Variants in CRADD observed in about 807,000 individuals in gnomAD.
CRADD encodes the protein CARD and death domain containing adaptor protein, also known as death domain-containing protein CRADD.
CRADD carries 9 observed loss-of-function variants against 15.5 expected under a neutral mutation model. That is an observed-to-expected ratio of 0.58 (90% CI 0.35 to 1.01). The LOEUF is 1.01. Ranked by LOEUF, CRADD falls within the 50% of genes least tolerant of loss-of-function variation. The probability of loss-of-function intolerance (pLI) is 0.02; values close to 1 mark genes in which losing one functional copy is unlikely to be tolerated. For synonymous variants in CRADD, 118 were observed against 107.6 expected, an observed-to-expected ratio of 1.10 and a Z score of -0.60; for missense variants, 227 against 250.3, an observed-to-expected ratio of 0.91 and a Z score of 0.63.
At chr12:93,799,225 C>G (rs1169229039) in intron 2 of CRADD, among the ~76,000 whole-genome samples, 1 of 152,128 alleles carries the variant, frequency 6.6e-6, no homozygotes, top group East Asian at 1.9e-4. Context: ...CGAATGTAAC[C>G]TTATTCTGGA....
chr12:93,845,511 G>A (rs1958103021), intron 2 of CRADD, among the ~76,000 whole-genome samples: 1 of 151,890 alleles, frequency 6.6e-6, no homozygotes. Flanking sequence ...ATCAGTTGAG[G>A]CCAGGAGTTT....
intron 2 of CRADD, among the ~76,000 whole-genome samples, chr12:93,762,498 G>T (rs1250512963): frequency 2.6e-5 from 4 of 152,202 alleles, no homozygotes; most frequent in Non-Finnish European, 4.4e-5. Flanking sequence ...GTCAGTAAAG[G>T]CCTCATGGGC....
At chr12:93,699,869 T>G (rs1320418588) in intron 2 of CRADD, among the ~76,000 whole-genome samples, 1 of 152,190 alleles carries the variant, frequency 6.6e-6, no homozygotes, top group East Asian at 1.9e-4. Flanking sequence ...TTCAAGGAGT[T>G]TGAAGTCTGT....
At chr12:93,790,185 G>A (rs1215921134) in intron 2 of CRADD, among the ~76,000 whole-genome samples, 2 of 152,094 alleles carry the variant, frequency 1.3e-5, no homozygotes, top group Admixed American at 6.6e-5. Context: ...ACCTATAGCC[G>A]CAGAAAGAGC....
At position 93,861,699 on chromosome 12, in the gene CRADD, A is replaced by G. The variant is rs145670206; in HGVS notation, c.299-32351A>G. ...AGCTTCTTCCTTTCCACAGGCATTG[A>G]TTCCAAGAGTACCCCCTAATAAACT... On this transcript the variant is annotated intron_variant, in intron 2 of 2. Transcript: ENST00000548483. 3.9e-5 allele frequency among the ~76,000 whole-genome samples: 6 copies of G among 152,290 alleles called. No individual in the cohort carries two copies. The East Asian group carries it at 1.2e-3, about 29-fold the overall frequency.
intron 2 of CRADD, among the ~76,000 whole-genome samples, chr12:93,709,647 T>A (rs1348052900): frequency 2.0e-5 from 3 of 152,274 alleles, no homozygotes; most frequent in Admixed American, 1.3e-4. Context: ...CCACATTTTT[T>A]AAATCCAGTT....
At chr12:93,818,164 A>G (rs1957728460) in intron 2 of CRADD, among the ~76,000 whole-genome samples, 1 of 152,238 alleles carries the variant, frequency 6.6e-6, no homozygotes, top group Non-Finnish European at 1.5e-5. Flanking sequence ...ACGAACATGC[A>G]TGCTTGCAGG....
chr12:93,700,826 T>A (rs1208889858), intron 2 of CRADD, among the ~76,000 whole-genome samples: 2 of 152,184 alleles, frequency 1.3e-5, no homozygotes, highest in Non-Finnish European at 2.9e-5. Flanking sequence ...TTTTTACTTC[T>A]CTCTTTGCCA....
At chr12:93,859,751 G>T (rs552313337) in intron 2 of CRADD, among the ~76,000 whole-genome samples, 8 of 151,986 alleles carry the variant, frequency 5.3e-5, no homozygotes, top group Non-Finnish European at 7.4e-5. Flanking sequence ...AAGAGACAGG[G>T]TCTCACTCTG....
At chr12:93,778,113 TTTTC>T (rs1171768625) in intron 2 of CRADD, among the ~76,000 whole-genome samples, 1 of 152,186 alleles carries the variant, frequency 6.6e-6, no homozygotes, top group Non-Finnish European at 1.5e-5. Flanking sequence ...ACAGAAGTCC[TTTTC>T]TTTGTCACTG....
At chr12:93,691,741 G>A (rs1001918490) in intron 2 of CRADD, among the ~76,000 whole-genome samples, 4 of 152,138 alleles carry the variant, frequency 2.6e-5, no homozygotes, top group African/African-American at 9.7e-5. Flanking sequence ...TTCAGACTTC[G>A]GTGGAGTTGA....
chr12:93,677,548 C>T (rs536948087), intron 1 of CRADD, 76 bp downstream of exon 1: 1 of 152,268 alleles, frequency 6.6e-6, no homozygotes, highest in Non-Finnish European at 1.5e-5. Flanking sequence ...CGGGGGCTTC[C>T]CCGCCCCGCT....
intron 2 of CRADD, among the ~76,000 whole-genome samples, chr12:93,756,735 A>G (rs1055963266): frequency 1.3e-5 from 2 of 152,266 alleles, no homozygotes; most frequent in South Asian, 4.1e-4. Context: ...AAATGGGTCC[A>G]GTGATAAGAG....
At chr12:93,878,411 A>G (rs1347272555) in intron 2 of CRADD, among the ~76,000 whole-genome samples, 1 of 152,074 alleles carries the variant, frequency 6.6e-6, no homozygotes, top group Non-Finnish European at 1.5e-5. Context: ...AATCAGAAGG[A>G]AGGGGTATCT....
At chr12:93,778,821 T>G (rs1957168701) in intron 2 of CRADD, among the ~76,000 whole-genome samples, 1 of 152,092 alleles carries the variant, frequency 6.6e-6, no homozygotes, top group African/African-American at 2.4e-5. Flanking sequence ...GTTCTTGTGT[T>G]AGGATTCTGG....
chr12:93,804,981 G>T (rs1398955246), intron 2 of CRADD, among the ~76,000 whole-genome samples: 1 of 152,076 alleles, frequency 6.6e-6, no homozygotes, highest in African/African-American at 2.4e-5. Context: ...AGGATGATGA[G>T]TAAGCCGAGT....
At chr12:93,781,485 C>T (rs954994000) in intron 2 of CRADD, among the ~76,000 whole-genome samples, 7 of 152,178 alleles carry the variant, frequency 4.6e-5, no homozygotes. Flanking sequence ...TAAGCAACAA[C>T]CATTAATGAA....
At chr12:93,772,912 C>CTTCTGGGT (rs1259493095) in intron 2 of CRADD, among the ~76,000 whole-genome samples, 6 of 152,114 alleles carry the variant, frequency 3.9e-5, no homozygotes, top group Admixed American at 1.3e-4. Flanking sequence ...GAAGGGTACC[C>CTTCTGGGT]AGAAGCAAGG....
At chr12:93,773,675 A>G (rs1057229452) in intron 2 of CRADD, among the ~76,000 whole-genome samples, 22 of 152,110 alleles carry the variant, frequency 1.4e-4, no homozygotes, top group Admixed American at 1.2e-3. Context: ...TGGAACCCTC[A>G]TTGAATCATC....
Sources: allele counts gnomAD v4.1 joint callset (sites outside exome capture counted in the v4.1 genomes callset), GRCh38; gene constraint gnomAD v4.1.1; transcripts MANE v1.5; gene names NCBI Gene and HGNC (gene_info 2026-07-23, HGNC 2026-07-21).